Variants in SYNDIG1 observed in about 807,000 individuals in gnomAD.
SYNDIG1 encodes the protein synapse differentiation-inducing gene protein 1.
SYNDIG1 carries 9 observed loss-of-function variants against 19.4 expected under a neutral mutation model. The observed-to-expected ratio is 0.46, with a 90% CI of 0.28 to 0.81. SYNDIG1 has a LOEUF of 0.81. Among genes scored for constraint, SYNDIG1 ranks in the 30% least tolerant of loss-of-function variants. SYNDIG1 has a pLI of 0.12. For synonymous variants in SYNDIG1, 141 were observed against 145.9 expected (o/e 0.97, Z 0.24); for missense variants, 311 against 343.3 (o/e 0.91, Z 0.74).
intron 1 of SYNDIG1, among the ~76,000 whole-genome samples, chr20:24,514,786 C>G (rs762409544): frequency 9.9e-5 from 15 of 152,210 alleles, no homozygotes; most frequent in Non-Finnish European, 1.8e-4. Context: ...TAATAGACAT[C>G]TACAGAACTC....
chr20:24,586,629 C>T (rs970911948), intron 3 of SYNDIG1, among the ~76,000 whole-genome samples: 1 of 152,216 alleles, frequency 6.6e-6, no homozygotes, highest in Non-Finnish European at 1.5e-5. Context: ...ACATCAAACG[C>T]ACCCCCGAAG....
At position 24,626,680 on chromosome 20, in the gene SYNDIG1, C is replaced by T. The variant is rs1208804967; in HGVS notation, c.619-38666C>T. ...CTCACTTCCCAGATGGGGTAGCGGC[C>T]GGGCAGAGGCTGCAATCTCGGCACT... On this transcript the variant is annotated intron_variant, in intron 3 of 3. Transcript: ENST00000376862. 2.0e-4 allele frequency among the ~76,000 whole-genome samples: 31 copies of T among 152,330 alleles called. No individual in the cohort carries two copies. The East Asian group carries it at 4.1e-3, about 20-fold the overall frequency.
At chr20:24,503,274 G>A (rs1429377896) in intron 1 of SYNDIG1, among the ~76,000 whole-genome samples, 1 of 152,210 alleles carries the variant, frequency 6.6e-6, no homozygotes, top group Admixed American at 6.5e-5. Context: ...ACGCAAGGCA[G>A]GGCGGACAGG....
chr20:24,614,131 A>G (rs2058891940), intron 3 of SYNDIG1, among the ~76,000 whole-genome samples: 3 of 152,140 alleles, frequency 2.0e-5, no homozygotes, highest in Non-Finnish European at 4.4e-5. Flanking sequence ...AGTAGCTGGG[A>G]CTATAGGCAC....
At chr20:24,558,291 C>G (rs560870145) in intron 2 of SYNDIG1, among the ~76,000 whole-genome samples, 1 of 152,316 alleles carries the variant, frequency 6.6e-6, no homozygotes, top group South Asian at 2.1e-4. Flanking sequence ...ACTATTGGTT[C>G]AGTTTCATGT....
chr20:24,598,285 C>T (rs1041440522), intron 3 of SYNDIG1, among the ~76,000 whole-genome samples: 1 of 152,214 alleles, frequency 6.6e-6, no homozygotes, highest in African/African-American at 2.4e-5. Flanking sequence ...CCCACAGCAG[C>T]TCCATGAAAT....
At chr20:24,546,714 A>T (rs1177239648) in intron 2 of SYNDIG1, among the ~76,000 whole-genome samples, 1 of 152,164 alleles carries the variant, frequency 6.6e-6, no homozygotes, top group Non-Finnish European at 1.5e-5. Flanking sequence ...GGGTCACAAT[A>T]TAGGGAAGTG....
intron 3 of SYNDIG1, among the ~76,000 whole-genome samples, chr20:24,654,788 GAGA>G (rs1343038559): frequency 6.6e-6 from 1 of 152,190 alleles, no homozygotes; most frequent in African/African-American, 2.4e-5. Context: ...AGCTTCCAGA[GAGA>G]AGGAGCAGCT....
chr20:24,560,056 T>C (rs2146868890), intron 2 of SYNDIG1, among the ~76,000 whole-genome samples: 1 of 131,262 alleles, frequency 7.6e-6, no homozygotes, highest in Non-Finnish European at 1.6e-5. Context: ...AACATTTCTC[T>C]CCTCTCCTTT....
At chr20:24,552,684 C>T (rs537510770) in intron 2 of SYNDIG1, among the ~76,000 whole-genome samples, 1 of 152,208 alleles carries the variant, frequency 6.6e-6, no homozygotes, top group African/African-American at 2.4e-5. Context: ...GTATATGTGC[C>T]ACATTTTCTT....
intron 1 of SYNDIG1, among the ~76,000 whole-genome samples, chr20:24,529,130 G>T (rs1439713049): frequency 6.6e-6 from 1 of 152,184 alleles, no homozygotes; most frequent in Non-Finnish European, 1.5e-5. Context: ...GGAGGAAGAC[G>T]TCTTGGCTGA....
intron 2 of SYNDIG1, among the ~76,000 whole-genome samples, chr20:24,577,404 G>A (rs905489001): frequency 1.3e-5 from 2 of 152,252 alleles, no homozygotes; most frequent in South Asian, 2.1e-4. Flanking sequence ...GGCTTGCCCC[G>A]ATGGTGCAGG....
At chr20:24,609,932 C>T (rs1299406723) in intron 3 of SYNDIG1, among the ~76,000 whole-genome samples, 2 of 152,158 alleles carry the variant, frequency 1.3e-5, no homozygotes, top group East Asian at 3.9e-4. Context: ...CTCCTTGCCA[C>T]TTCCCTATGT....
intron 3 of SYNDIG1, among the ~76,000 whole-genome samples, chr20:24,643,480 G>A (rs532897559): frequency 1.1e-3 from 164 of 152,134 alleles, no homozygotes; most frequent in Middle Eastern, 6.8e-3. Flanking sequence ...CTAGAGTGCC[G>A]TGTTCATGAG....
chr20:24,590,246 TG>T (rs1273119124), intron 3 of SYNDIG1, among the ~76,000 whole-genome samples: 1 of 115,714 alleles, frequency 8.6e-6, no homozygotes, highest in Non-Finnish European at 1.8e-5. Context: ...GCCGAGGCCC[TG>T]GGGGGAGCAC....
intron 3 of SYNDIG1, among the ~76,000 whole-genome samples, chr20:24,628,598 G>A (rs1466355121): frequency 6.6e-6 from 1 of 152,206 alleles, no homozygotes; most frequent in Non-Finnish European, 1.5e-5. Context: ...TGTCCTCTAA[G>A]TGATGGACCT....
intron 3 of SYNDIG1, among the ~76,000 whole-genome samples, chr20:24,605,870 A>C (rs1409960628): frequency 6.6e-6 from 1 of 152,064 alleles, no homozygotes; most frequent in Non-Finnish European, 1.5e-5. Context: ...CAAGCTGTGC[A>C]CTCTTCCCTT....
At chr20:24,634,593 G>T (rs2147315363) in intron 3 of SYNDIG1, among the ~76,000 whole-genome samples, 1 of 152,222 alleles carries the variant, frequency 6.6e-6, no homozygotes, top group East Asian at 1.9e-4. Flanking sequence ...GTTTCAGTTT[G>T]TGTTTCATTG....
At chr20:24,588,765 G>T (rs370960930) in intron 3 of SYNDIG1, among the ~76,000 whole-genome samples, 3 of 152,316 alleles carry the variant, frequency 2.0e-5, no homozygotes, top group African/African-American at 7.2e-5. Context: ...GATGTTGCTC[G>T]GTTGTGAATA....
Sources: allele counts gnomAD v4.1 joint callset (sites outside exome capture counted in the v4.1 genomes callset), GRCh38; gene constraint gnomAD v4.1.1; transcripts MANE v1.5; gene names NCBI Gene and HGNC (gene_info 2026-07-23, HGNC 2026-07-21).